Variants in CTRL observed in about 807,000 individuals in gnomAD.
CTRL encodes the protein chymotrypsin like.
A neutral mutation model predicts 35.5 loss-of-function variants in CTRL; 38 were observed. That is an observed-to-expected ratio of 1.07 (90% CI 0.83 to 1.40). The LOEUF (loss-of-function observed/expected upper bound fraction) is 1.40. Ranked by LOEUF, CTRL falls within the 40% of genes most tolerant of loss-of-function variation. The probability of loss-of-function intolerance (pLI) is 0.00; values close to 1 mark genes in which losing one functional copy is unlikely to be tolerated. For missense variants in CTRL, 327 were observed against 342.9 expected (o/e 0.95, Z 0.37); for synonymous variants, 155 against 141.1 (o/e 1.10, Z -0.70).
Position 67,930,083 on chromosome 16 carries a change from C to G in CTRL, c.646G>C (p.Gly216Arg). 1.2e-6 allele frequency: 2 copies of G among 1,614,096 alleles called. No homozygotes were observed. Among genetic ancestry groups the G allele is most frequent in the Non-Finnish European group, 1.7e-6 (2 of 1,180,006 alleles). ...GASSCQGDSG[G>R]PLVCQKGNTW... is the part of the protein sequence containing the mutation. The stretch of plus-strand genomic sequence containing the variant: ...TTTCCCTTCTGGCAGACAAGAGGGC[C>G]TCCGGAGTCACCCTGAGAGGGAAGA... The change falls in exon 7 of 7, where the codon GGC (glycine) becomes CGC (arginine). Residue 216 changes from glycine to arginine, a missense_variant. Physicochemically the swap from Gly to Arg is moderately radical, Grantham distance 125. Transcript: ENST00000574481. The surrounding 1 kb of genome is among the most constrained non-coding windows in gnomAD (Gnocchi z 4.3).
rs2058235685 is a variant in CTRL, at chr16:67,930,460, C to G, written c.447G>C (p.Leu149=). The G allele has an allele frequency of 6.2e-7, 1 of 1,614,160 alleles. No homozygotes were observed. ...TGGTGACACACGTGAGGCCTTCAGT[C>G]AGAGCCTCGTTTGAGGATGCCAGGC... ...PVCLASSNEA[L]TEGLTCVTTG... Residue 149 remains leucine, a synonymous_variant, in exon 5 of 7, where the codon CTG becomes CTC. Transcript: ENST00000574481. This position sits in a 1 kb window ranked among gnomAD's most constrained non-coding sequence, Gnocchi z 4.3.
chr16:67,931,480 A>T, intron 1 of CTRL: 1 of 589,514 alleles, frequency 1.7e-6, no homozygotes, highest in Non-Finnish European at 3.0e-6. Flanking sequence ...CCCCCTCCCG[A>T]CCTGAACAGT....
intron 1 of CTRL, chr16:67,931,453 T>A (rs1038484714): frequency 1.2e-5 from 7 of 598,694 alleles, no homozygotes; most frequent in Non-Finnish European, 2.1e-5. Flanking sequence ...TCCCCATCTC[T>A]ACCCCTGGTC....
In CTRL at chr16:67,930,342, C is replaced by T; in HGVS notation, c.500-24G>A. The T allele has an allele frequency of 3.7e-6, 6 of 1,613,740 alleles. No individual in the cohort carries two copies. The highest frequency in any genetic ancestry group is 5.1e-6 in the Non-Finnish European group (6 of 1,179,768). On this transcript the variant is annotated intron_variant, in intron 5 of 6. Transcript: ENST00000574481. The surrounding 1 kb of genome is among the most constrained non-coding windows in gnomAD (Gnocchi z 4.3). ...GCCTGTGGGCCAGGAGGGGTGGTCA[C>T]ATGGGGCCCAGAACACTGGTCCCCA...
At chr16:67,931,227 GC>G in intron 1 of CTRL, 26 bp from the exon 2 acceptor site, 1 of 1,610,834 alleles carries the variant, frequency 6.2e-7, no homozygotes, top group Non-Finnish European at 8.5e-7. Context: ...ATGAGGACCT[GC>G]TTCCCATGCC....
In CTRL at chr16:67,929,790, C is replaced by T. The variant is rs2058231647; in HGVS notation, c.*144G>A. ...CACTGCTACTCAAGGAGTCACTCAG[C>T]CCCTTCTGTGCCAGAAGTCCAAGTA... On this transcript the variant is annotated 3_prime_UTR_variant, in exon 7 of 7. Transcript: ENST00000574481. 2.2e-6 allele frequency: 2 copies of T among 920,532 alleles called. No individual in the cohort carries two copies. The highest frequency in any genetic ancestry group is 1.6e-6 in the Non-Finnish European group (1 of 610,440). 57.0% of individuals were successfully genotyped at this position (920,532 alleles called of 1,614,324 possible). A position where few individuals can be genotyped will look rare whatever the true frequency, so the allele number is the denominator to read the frequency against.
rs967412155 is a variant in CTRL at position 67,931,624 on chromosome 16, T to C, written c.52+177A>G. On this transcript the variant is annotated intron_variant, in intron 1 of 6. Transcript: ENST00000574481. ...CCTATTTGTGAGACCACCCCACCTC[T>C]TGCCCCCTCCCAGCCCTGCAGGCCT... The C allele has an allele frequency of 2.9e-5, 21 of 715,674 alleles. No individual in the cohort carries two copies. In the Admixed American group the frequency reaches 3.8e-4, roughly 13 times the overall value. 44.3% of individuals were successfully genotyped at this position (715,674 alleles called of 1,614,324 possible). A position where few individuals can be genotyped will look rare whatever the true frequency, so the allele number is the denominator to read the frequency against.
chr16:67,931,678 C>G, intron 1 of CTRL, 123 bp downstream of exon 1: 1 of 1,161,524 alleles, frequency 8.6e-7, no homozygotes, highest in Non-Finnish European at 1.2e-6. Flanking sequence ...CTGGCATATC[C>G]TGTTTCTTTT....
rs780570017 is a variant in CTRL at position 67,930,954 on chromosome 16, A to C, written c.202T>G (p.Ser68Ala). 1.2e-5 allele frequency: 19 copies of C among 1,613,710 alleles called. No homozygotes were observed. Among genetic ancestry groups the C allele is most frequent in the Non-Finnish European group, 1.6e-5 (19 of 1,179,970 alleles). ...CAGTGGGCAGCAGTGACCACCCAGG[A>C]CTGGCTGATGAGAGAACCACCGCAG... ...HFCGGSLISQ[S>A]WVVTAAHCNV... Residue 68 changes from serine (S) to alanine (A), a missense_variant, in exon 3 of 7, where the codon TCC (serine) becomes GCC (alanine). Coordinates refer to ENST00000574481, the MANE Select transcript of CTRL (RefSeq NM_001907.3). The surrounding 1 kb of genome is among the most constrained non-coding windows in gnomAD (Gnocchi z 4.3).
chr16:67,930,126 A>G lies in CTRL; in HGVS notation c.634-31T>C, dbSNP rs2058233719. The G allele has an allele frequency of 2.5e-6, 4 of 1,613,326 alleles. No homozygotes were observed. In the African/African-American group the frequency reaches 5.3e-5, roughly 22 times the overall value. On this transcript the variant is annotated intron_variant, in intron 6 of 6. Coordinates refer to ENST00000574481, the MANE Select transcript of CTRL (RefSeq NM_001907.3). The surrounding 1 kb of genome is among the most constrained non-coding windows in gnomAD (Gnocchi z 4.3). ...AGGGAAGAGGGAGGGAGAATTGAGT[A>G]GGGGGGGTTGGGGAGGTATACCACA...
chr16:67,930,838 G>A lies in CTRL; in HGVS notation c.237-31C>T, dbSNP rs766375521. On this transcript the variant is annotated intron_variant, in intron 3 of 6. Coordinates refer to ENST00000574481, the MANE Select transcript of CTRL (RefSeq NM_001907.3). This position sits in a 1 kb window ranked among gnomAD's most constrained non-coding sequence, Gnocchi z 4.3. ...AGGGGGTGGGATTAGGCAGCTGCAG[G>A]GAGGCCAGCGCGAGAGGGGGACAGC... 3.1e-6 allele frequency: 5 copies of A among 1,613,548 alleles called. No homozygotes were observed. The highest frequency in any genetic ancestry group is 1.3e-5 in the African/African-American group (1 of 74,906).
chr16:67,931,459 T>C, intron 1 of CTRL: 1 of 596,844 alleles, frequency 1.7e-6, no homozygotes, highest in South Asian at 2.0e-5. Context: ...TCTCTACCCC[T>C]GGTCTCTCTG....
chr16:67,930,512 T>G lies in CTRL; in HGVS notation c.395A>C (p.Gln132Pro). ...VTLLKLASPA[Q>P]YTTRISPVCL... ...AACTGGCGAGATGCGTGTTGTGTAC[T>G]GGGCTGGCGAGGCGAGCTTCAGCAG... The change falls in exon 5 of 7, where the codon CAG (glutamine) becomes CCG (proline). Residue 132 changes from glutamine (Q) to proline (P), a missense_variant. Gln to Pro is a moderately conservative substitution (Grantham distance 76). Transcript: ENST00000574481. This position sits in a 1 kb window ranked among gnomAD's most constrained non-coding sequence, Gnocchi z 4.3. The G allele has an allele frequency of 6.2e-7, 1 of 1,614,156 alleles. No homozygotes were observed. Among genetic ancestry groups the G allele is most frequent in the Non-Finnish European group, 8.5e-7 (1 of 1,180,018 alleles).
In CTRL at chr16:67,930,833, T is replaced by C. The variant is rs377021002; in HGVS notation, c.237-26A>G. On this transcript the variant is annotated intron_variant, in intron 3 of 6. Transcript: ENST00000574481. This position sits in a 1 kb window ranked among gnomAD's most constrained non-coding sequence, Gnocchi z 4.3. ...CTGCAAGGGGGTGGGATTAGGCAGCTGCAGGGAGGCCAGCGCGAGAGGGGG... is the reference window on the plus strand; with the variant it reads ...CTGCAAGGGGGTGGGATTAGGCAGCCGCAGGGAGGCCAGCGCGAGAGGGGG... 3 of 1,613,082 alleles carry C rather than the reference T, an allele frequency of 1.9e-6. No individual in the cohort carries two copies. In the South Asian group the frequency reaches 3.3e-5, roughly 18 times the overall value.
Position 67,930,035 on chromosome 16 carries a change from C to G in CTRL, c.694G>C (p.Val232Leu). ...KGNTWVLIGIVSWGTKNCNVR... is the reference protein window; with the variant it reads ...KGNTWVLIGILSWGTKNCNVR... The stretch of plus-strand genomic sequence containing the variant: ...TTGCAGTTTTTGGTGCCCCAGGAGA[C>G]AATACCAATAAGCACCCATGTGTTT... Residue 232 changes from valine to leucine, a missense_variant, in exon 7 of 7, where the codon GTC becomes CTC. Coordinates refer to ENST00000574481, the MANE Select transcript of CTRL (RefSeq NM_001907.3). This position sits in a 1 kb window ranked among gnomAD's most constrained non-coding sequence, Gnocchi z 4.3. 2 of 1,614,094 alleles carry G rather than the reference C, an allele frequency of 1.2e-6. No individual in the cohort carries two copies. The highest frequency in any genetic ancestry group is 1.7e-6 in the Non-Finnish European group (2 of 1,180,024).
rs754750182 is a variant in CTRL, at chr16:67,930,849, C to G, written c.237-42G>C. ...TTAGGCAGCTGCAGGGAGGCCAGCG[C>G]GAGAGGGGGACAGCCAGGGGAGGAG... On this transcript the variant is annotated intron_variant, in intron 3 of 6. Transcript: ENST00000574481. The surrounding 1 kb of genome is among the most constrained non-coding windows in gnomAD (Gnocchi z 4.3). The G allele has an allele frequency of 1.9e-6, 3 of 1,612,388 alleles. No homozygotes were observed. Among genetic ancestry groups the G allele is most frequent in the Non-Finnish European group, 2.5e-6 (3 of 1,179,248 alleles).
chr16:67,931,522 C>T, intron 1 of CTRL: 1 of 586,688 alleles, frequency 1.7e-6, no homozygotes. Flanking sequence ...AAGGTTCTTT[C>T]TAAAAGACAT....
At position 67,930,431 on chromosome 16, in the gene CTRL, C is replaced by A. The variant is rs775728878; in HGVS notation, c.476G>T (p.Gly159Val). 7 of 1,614,040 alleles carry A rather than the reference C, an allele frequency of 4.3e-6. No homozygotes were observed. The highest frequency in any genetic ancestry group is 1.6e-4 in the Middle Eastern group (1 of 6,062). ...ACCCACGCCACTGAGGCGACCCCAG[C>A]CGGTGGTGACACACGTGAGGCCTTC... Reference protein sequence around the residue: ...LTEGLTCVTTGWGRLSGVGNV... With the variant: ...LTEGLTCVTTVWGRLSGVGNV... The change falls in exon 5 of 7, where the codon GGC becomes GTC. Residue 159 changes from glycine to valine, a missense_variant. Physicochemically the swap from Gly to Val is moderately radical, Grantham distance 109. Transcript: ENST00000574481. The surrounding 1 kb of genome is among the most constrained non-coding windows in gnomAD (Gnocchi z 4.3).
At position 67,931,190 on chromosome 16, in the gene CTRL, G is replaced by A; in HGVS notation, c.64C>T (p.Pro22Ser). 6.2e-7 allele frequency: 1 copy of A among 1,614,030 alleles called. No homozygotes were observed. Among genetic ancestry groups the A allele is most frequent in the South Asian group, 1.1e-5 (1 of 91,084 alleles). ...LLGSSWGCGI[P>S]AIKPALSFSQ... ...AAGCTCAGTGCCGGTTTGATGGCAG[G>A]AATGCCGCAGCCTGGCCATTGGGCT... Residue 22 changes from proline to serine, a missense_variant, in exon 2 of 7, where the codon CCT becomes TCT. Physicochemically the swap from Pro to Ser is moderately conservative, Grantham distance 74 (BLOSUM62 -1). Coordinates refer to ENST00000574481, the MANE Select transcript of CTRL (RefSeq NM_001907.3).
Sources: gnomAD v4.1 joint callset for allele counts on GRCh38, gnomAD v4.1.1 for gene constraint, Gnocchi (gnomAD v3.1) non-coding constraint, MANE v1.5 for transcripts, NCBI Gene and HGNC (gene_info 2026-07-23, HGNC 2026-07-21) for gene names.